The following CACNA2D3 variants were observed in gnomAD, a reference collection of about 807,000 sequenced individuals.
CACNA2D3 encodes voltage-dependent calcium channel subunit alpha-2/delta-3.
CACNA2D3 carries 60 observed loss-of-function variants against 160.6 expected under a neutral mutation model. That is an observed-to-expected ratio of 0.37 (90% CI 0.30 to 0.46). The LOEUF is 0.46. Among genes scored for constraint, CACNA2D3 ranks in the 20% least tolerant of loss-of-function variants. The pLI, the probability that CACNA2D3 is intolerant of heterozygous loss-of-function variation, is 1.00. For missense variants in CACNA2D3, 1,205 were observed against 1,365.0 expected (o/e 0.88, Z 1.85); for synonymous variants, 558 against 492.9 (o/e 1.13, Z -1.75).
chr3:54,910,103 G>A (rs1700525820), intron 27 of CACNA2D3, among the ~76,000 whole-genome samples: 1 of 152,118 alleles, frequency 6.6e-6, no homozygotes, highest in South Asian at 2.1e-4. Flanking sequence ...CAGGATGTTA[G>A]GATCAATGCC....
chr3:54,918,317 A>G lies in CACNA2D3; in HGVS notation c.2449+18449A>G, dbSNP rs909354031. ...CTCCCCAGAAATATTTTTTACAGACACATCTTTTTTTTTTCTTTTTTTTTT... is the reference window on the plus strand; with the variant it reads ...CTCCCCAGAAATATTTTTTACAGACGCATCTTTTTTTTTTCTTTTTTTTTT... On this transcript the variant is annotated intron_variant, in intron 27 of 37. Coordinates refer to ENST00000474759, the MANE Select transcript of CACNA2D3 (RefSeq NM_018398.3). The G allele has an allele frequency of 1.9e-5, 14 of 744,902 alleles. No individual in the cohort carries two copies. In the East Asian group the frequency reaches 2.1e-4, roughly 11 times the overall value. 46.1% of individuals were successfully genotyped at this position (744,902 alleles called of 1,614,324 possible).
At chr3:55,039,724 G>A (rs1027396443) in intron 35 of CACNA2D3, among the ~76,000 whole-genome samples, 1 of 152,130 alleles carries the variant, frequency 6.6e-6, no homozygotes. Context: ...CCTTGGTTTT[G>A]TTTATTGGGA....
intron 3 of CACNA2D3, among the ~76,000 whole-genome samples, chr3:54,379,640 G>A (rs1020466472): frequency 2.6e-5 from 4 of 151,998 alleles, no homozygotes; most frequent in African/African-American, 9.7e-5. Flanking sequence ...AGCACTAGCT[G>A]TTTCCAGAAT....
intron 13 of CACNA2D3, among the ~76,000 whole-genome samples, chr3:54,778,186 G>C (rs1702459089): frequency 6.6e-6 from 1 of 152,090 alleles, no homozygotes; most frequent in South Asian, 2.1e-4. Context: ...TAAACAACCA[G>C]ATCTTATGAC....
chr3:54,151,415 T>C (rs1700150611), intron 2 of CACNA2D3, among the ~76,000 whole-genome samples: 1 of 150,952 alleles, frequency 6.6e-6, no homozygotes, highest in South Asian at 2.1e-4. Flanking sequence ...GGATGGATAG[T>C]TGGGGGAGGG....
At chr3:54,650,578 T>G (rs921901278) in intron 11 of CACNA2D3, among the ~76,000 whole-genome samples, 1 of 152,216 alleles carries the variant, frequency 6.6e-6, no homozygotes, top group African/African-American at 2.4e-5. Flanking sequence ...TTAGCCAGGC[T>G]GGTCTTGAAC....
intron 13 of CACNA2D3, among the ~76,000 whole-genome samples, chr3:54,766,239 G>A (rs1289017222): frequency 6.6e-6 from 1 of 151,960 alleles, no homozygotes; most frequent in Non-Finnish European, 1.5e-5. Flanking sequence ...TACACATGAA[G>A]AATTAATAAT....
At chr3:54,135,324 C>G (rs374877267) in intron 2 of CACNA2D3, among the ~76,000 whole-genome samples, 24 of 152,306 alleles carry the variant, frequency 1.6e-4, no homozygotes, top group African/African-American at 5.3e-4. Flanking sequence ...CACTGCTGCA[C>G]CCTGCATGGG....
chr3:54,868,163 C>G (rs182518753), intron 17 of CACNA2D3, among the ~76,000 whole-genome samples: 2 of 152,312 alleles, frequency 1.3e-5, no homozygotes, highest in Non-Finnish European at 2.9e-5. Context: ...CCTGTTATAT[C>G]TATGCAACAG....
chr3:54,694,278 G>A (rs1190465338), intron 11 of CACNA2D3, among the ~76,000 whole-genome samples: 1 of 152,156 alleles, frequency 6.6e-6, no homozygotes, highest in Non-Finnish European at 1.5e-5. Context: ...TTGCAGCCTA[G>A]GAACACTGGG....
chr3:54,207,373 C>T (rs62252190), intron 2 of CACNA2D3, among the ~76,000 whole-genome samples: 1,803 of 150,830 alleles, frequency 0.012, 48 homozygotes, highest in Middle Eastern at 0.071. Context: ...TGGGCTTGCC[C>T]GTGACCTGGA....
chr3:54,702,050 C>A (rs148947520), intron 11 of CACNA2D3, among the ~76,000 whole-genome samples: 1,541 of 152,260 alleles, frequency 0.01, 33 homozygotes, highest in Non-Finnish European at 8.7e-3. Context: ...GGATAATTGG[C>A]TATCTGCATG....
chr3:54,280,148 C>G (rs925530709), intron 2 of CACNA2D3, among the ~76,000 whole-genome samples: 3 of 152,040 alleles, frequency 2.0e-5, no homozygotes, highest in South Asian at 2.1e-4. Flanking sequence ...GTGGTGCGAT[C>G]TCTGCTCACT....
chr3:54,477,878 G>A (rs959781479), intron 4 of CACNA2D3, among the ~76,000 whole-genome samples: 1 of 152,148 alleles, frequency 6.6e-6, no homozygotes, highest in Non-Finnish European at 1.5e-5. Flanking sequence ...GATCATTTAT[G>A]GGTGGTAGAG....
chr3:54,991,373 C>T (rs1029658951), intron 31 of CACNA2D3, among the ~76,000 whole-genome samples: 3 of 152,026 alleles, frequency 2.0e-5, no homozygotes, highest in Non-Finnish European at 4.4e-5. Context: ...CAGGTGCACA[C>T]CACCATGCCC....
chr3:54,741,110 A>AG (rs891104311), intron 11 of CACNA2D3, among the ~76,000 whole-genome samples: 2 of 152,012 alleles, frequency 1.3e-5, no homozygotes, highest in African/African-American at 2.4e-5. Context: ...ATCCAGAGGC[A>AG]GGGGGAGGCA....
intron 27 of CACNA2D3, among the ~76,000 whole-genome samples, chr3:54,957,286 A>G (rs1701923056): frequency 6.6e-6 from 1 of 151,884 alleles, no homozygotes; most frequent in Admixed American, 6.6e-5. Context: ...AACTTAGACT[A>G]TAGGTGTACG....
In CACNA2D3 at chr3:54,628,943, T is replaced by A. The variant is rs144576578; in HGVS notation, c.1053+1067T>A. Among the ~76,000 whole-genome samples the A allele has an allele frequency of 3.9e-3, 589 of 152,166 alleles. 4 individuals carry two copies. The highest frequency in any genetic ancestry group is 6.8e-3 in the Middle Eastern group (2 of 294). On this transcript the variant is annotated intron_variant, in intron 10 of 37. Coordinates refer to ENST00000474759, the MANE Select transcript of CACNA2D3 (RefSeq NM_018398.3). ...GGACCTGTCCTGTGGAAGTTGGAAC[T>A]ATGGAGGAGACACAGTCACGGCCAG...
In CACNA2D3 at chr3:55,018,224, C is replaced by T. The variant is rs1270613814; in HGVS notation, c.2894C>T (p.Thr965Ile). ...MTAKAQKLKQTLEPCDTEYPA... is the reference protein window; with the variant it reads ...MTAKAQKLKQILEPCDTEYPA... ...CCTACAGCCCAGAAATTGAAACAGA[C>T]CCTGGAGCCTTGTGATACTGAATAT... Residue 965 changes from threonine to isoleucine, a missense_variant, in exon 35 of 38, where the codon ACC becomes ATC. Physicochemically the swap from Thr to Ile is moderately conservative, Grantham distance 89 (BLOSUM62 -1). Around this residue, in one of 3 missense-constraint regions of CACNA2D3, gnomAD observed 911 missense variants for 1,002.2 expected, o/e 0.91. Transcript: ENST00000474759. 3.7e-6 allele frequency: 6 copies of T among 1,611,710 alleles called. No individual in the cohort carries two copies. The highest frequency in any genetic ancestry group is 5.1e-6 in the Non-Finnish European group (6 of 1,178,300).
Sources: allele counts gnomAD v4.1 joint callset (sites outside exome capture counted in the v4.1 genomes callset), GRCh38; gene constraint gnomAD v4.1.1; regional missense constraint gnomAD v4.1.1; transcripts MANE v1.5; gene names NCBI Gene and HGNC (gene_info 2026-07-23, HGNC 2026-07-21).